The following CDH18 variants were observed in gnomAD, a reference collection of about 807,000 sequenced individuals.
CDH18 encodes the protein cadherin 18, also known as cadherin-18.
CDH18 carries 31 observed loss-of-function variants against 67.9 expected under a neutral mutation model. That is an observed-to-expected ratio of 0.46 (90% CI 0.34 to 0.62). CDH18 has a LOEUF of 0.62. Ranked by LOEUF, CDH18 falls within the 20% of genes least tolerant of loss-of-function variation. The pLI is 0.01. For synonymous variants in CDH18, 362 were observed against 347.2 expected, an observed-to-expected ratio of 1.04 and a Z score of -0.48; for missense variants, 890 against 975.5, an observed-to-expected ratio of 0.91 and a Z score of 1.17.
At chr5:20,350,120 T>C (rs1183823391) in intron 1 of CDH18, among the ~76,000 whole-genome samples, 1 of 152,194 alleles carries the variant, frequency 6.6e-6, no homozygotes, top group East Asian at 1.9e-4. Context: ...CTCACTAAGG[T>C]GTCTCCTTGC....
intron 11 of CDH18, 22 bp from the exon 12 acceptor site, chr5:19,483,574 C>T (rs529831962): frequency 6.4e-7 from 1 of 1,568,058 alleles, no homozygotes; most frequent in South Asian, 1.2e-5. Context: ...ATAAGCAAAA[C>T]AAAATACACT....
chr5:20,537,447 A>G (rs1481671145), intron 1 of CDH18, among the ~76,000 whole-genome samples: 1 of 152,178 alleles, frequency 6.6e-6, no homozygotes, highest in Admixed American at 6.6e-5. Flanking sequence ...GTTTACACAT[A>G]TATTAAAAAT....
chr5:20,525,367 A>C (rs1340776368), intron 1 of CDH18, among the ~76,000 whole-genome samples: 1 of 152,090 alleles, frequency 6.6e-6, no homozygotes, highest in Admixed American at 6.6e-5. Context: ...TTAGCCTAGA[A>C]TCACTGTGGA....
intron 12 of CDH18, 35 bp from the exon 13 acceptor site, chr5:19,473,751 A>G: frequency 6.7e-7 from 1 of 1,498,186 alleles, no homozygotes; most frequent in Non-Finnish European, 9.0e-7. Flanking sequence ...AAGAATTAAG[A>G]AAACAGGAAG....
intron 10 of CDH18, among the ~76,000 whole-genome samples, chr5:19,506,746 A>T (rs1172377420): frequency 6.6e-6 from 1 of 152,176 alleles, no homozygotes; most frequent in East Asian, 1.9e-4. Flanking sequence ...CTTATACAAA[A>T]ATTAATTCAA....
At chr5:19,522,775 C>T (rs528026259) in intron 9 of CDH18, among the ~76,000 whole-genome samples, 1 of 151,598 alleles carries the variant, frequency 6.6e-6, no homozygotes, top group South Asian at 2.1e-4. Flanking sequence ...CATGCCTGTA[C>T]TCCCAACTAC....
At chr5:19,865,806 AG>A (rs1254471397) in intron 2 of CDH18, among the ~76,000 whole-genome samples, 1 of 152,114 alleles carries the variant, frequency 6.6e-6, no homozygotes, top group Admixed American at 6.6e-5. Flanking sequence ...TCTTGCTGCT[AG>A]GGTATGGTGG....
At chr5:19,491,536 C>T (rs1283233672) in intron 11 of CDH18, among the ~76,000 whole-genome samples, 1 of 152,102 alleles carries the variant, frequency 6.6e-6, no homozygotes, top group Non-Finnish European at 1.5e-5. Context: ...CAATGTGTAT[C>T]AAACTACATA....
At chr5:19,870,133 G>A (rs950145627) in intron 2 of CDH18, among the ~76,000 whole-genome samples, 3 of 152,082 alleles carry the variant, frequency 2.0e-5, no homozygotes, top group Non-Finnish European at 1.5e-5. Context: ...ATAGGTAAGA[G>A]AGATGAGTTG....
intron 1 of CDH18, among the ~76,000 whole-genome samples, chr5:20,341,541 G>T (rs923113770): frequency 1.7e-5 from 1 of 57,144 alleles, no homozygotes; most frequent in African/African-American, 8.4e-5. Context: ...ATATATTAGA[G>T]GGCATATATA....
At chr5:20,442,522 C>T (rs1749681394) in intron 1 of CDH18, among the ~76,000 whole-genome samples, 2 of 151,934 alleles carry the variant, frequency 1.3e-5, no homozygotes. Context: ...GCGCTAATGG[C>T]AGTTGGCCCT....
chr5:19,984,497 T>C (rs1799373819), intron 1 of CDH18, among the ~76,000 whole-genome samples: 1 of 152,188 alleles, frequency 6.6e-6, no homozygotes, highest in Non-Finnish European at 1.5e-5. Flanking sequence ...CTTTCATCCA[T>C]GAAAATAATA....
intron 1 of CDH18, among the ~76,000 whole-genome samples, chr5:20,564,755 G>T (rs1193270855): frequency 6.6e-6 from 1 of 151,994 alleles, no homozygotes; most frequent in Non-Finnish European, 1.5e-5. Context: ...TTTCCATTTG[G>T]CTCTTTAACC....
chr5:19,751,101 G>T (rs1023714095), intron 3 of CDH18, among the ~76,000 whole-genome samples: 1 of 152,208 alleles, frequency 6.6e-6, no homozygotes, highest in Admixed American at 6.5e-5. Context: ...TTAGCATTAA[G>T]TAGTAACCTA....
intron 3 of CDH18, among the ~76,000 whole-genome samples, chr5:19,817,749 T>C (rs892966505): frequency 2.3e-4 from 35 of 152,022 alleles, no homozygotes; most frequent in Admixed American, 1.1e-3. Context: ...TCCCAAGACA[T>C]GTATGATATA....
At chr5:20,532,259 T>C (rs1458246729) in intron 1 of CDH18, among the ~76,000 whole-genome samples, 1 of 152,098 alleles carries the variant, frequency 6.6e-6, no homozygotes, top group East Asian at 1.9e-4. Context: ...AGATATCAGA[T>C]TTTAGATCCT....
chr5:20,256,933 G>GTATCTATCTATC lies in CDH18; in HGVS notation c.-579-1440_-579-1429dup, dbSNP rs11272126. ...AAACGAGATTTGTAGTAGCTTGGTG[G>GTATCTATCTATC]TATCTATCTATCTATCTATCTATCT... On this transcript the variant is annotated intron_variant, in intron 1 of 14. Transcript: ENST00000507958. Among the ~76,000 whole-genome samples the GTATCTATCTATC allele has an allele frequency of 9.0e-3, 1,085 of 120,838 alleles. 17 individuals are homozygous for GTATCTATCTATC. The highest frequency in any genetic ancestry group is 0.033 in the African/African-American group (1,012 of 30,276). The allele number at this position is 120,838 out of a possible 152,430, so 79.3% of individuals were successfully genotyped here.
At chr5:20,113,385 A>G (rs1430521213) in intron 2 of CDH18, among the ~76,000 whole-genome samples, 1 of 152,234 alleles carries the variant, frequency 6.6e-6, no homozygotes, top group East Asian at 1.9e-4. Context: ...TAGTTTTCAA[A>G]TTTAGTTAAA....
chr5:20,383,293 T>C (rs1297801916), intron 1 of CDH18, among the ~76,000 whole-genome samples: 1 of 152,172 alleles, frequency 6.6e-6, no homozygotes, highest in Admixed American at 6.5e-5. Flanking sequence ...ACCAAAATTC[T>C]ATCCAAATAT....
Sources: allele counts gnomAD v4.1 joint callset (sites outside exome capture counted in the v4.1 genomes callset), GRCh38; gene constraint gnomAD v4.1.1; transcripts MANE v1.5; gene names NCBI Gene and HGNC (gene_info 2026-07-23, HGNC 2026-07-21).